CDH17: variants seen among roughly 807,000 people sequenced by gnomAD.
CDH17 encodes the protein cadherin-17.
In CDH17, 67 loss-of-function variants were observed where a neutral mutation model predicts 86.3. That is an observed-to-expected ratio of 0.78 (90% CI 0.64 to 0.95). CDH17 has a LOEUF of 0.95. CDH17 is among the 40% of genes least tolerant of loss of function. The pLI is 0.00. For synonymous variants in CDH17, 367 were observed against 366.4 expected, an observed-to-expected ratio of 1.00 and a Z score of -0.02; for missense variants, 993 against 1,017.6, an observed-to-expected ratio of 0.98 and a Z score of 0.33.
intron 2 of CDH17, among the ~76,000 whole-genome samples, chr8:94,192,577 T>A (rs1813708754): frequency 1.3e-5 from 2 of 152,152 alleles, no homozygotes; most frequent in South Asian, 4.2e-4. Flanking sequence ...GCCCCAACTC[T>A]TAACCACATT....
intron 15 of CDH17, among the ~76,000 whole-genome samples, chr8:94,137,861 A>C (rs1357692915): frequency 6.6e-6 from 1 of 152,194 alleles, no homozygotes; most frequent in African/African-American, 2.4e-5. Flanking sequence ...TTATAAACAC[A>C]ATCTGCAAAT....
At chr8:94,197,076 T>C (rs1289790815) in intron 1 of CDH17, among the ~76,000 whole-genome samples, 1 of 152,206 alleles carries the variant, frequency 6.6e-6, no homozygotes, top group Non-Finnish European at 1.5e-5. Context: ...GGCACCCCCC[T>C]CTATCTGCAG....
At chr8:94,136,174 G>A (rs534529153) in intron 15 of CDH17, among the ~76,000 whole-genome samples, 3 of 152,114 alleles carry the variant, frequency 2.0e-5, no homozygotes, top group Admixed American at 2.0e-4. Context: ...GGTGGTCTCT[G>A]TATTTCCTGA....
chr8:94,192,138 G>A (rs1251339004), intron 2 of CDH17, among the ~76,000 whole-genome samples: 2 of 152,206 alleles, frequency 1.3e-5, no homozygotes, highest in Non-Finnish European at 2.9e-5. Flanking sequence ...CTTGGTTCCA[G>A]GGTTCAAAGT....
At chr8:94,142,673 T>C (rs547587111) in intron 15 of CDH17, among the ~76,000 whole-genome samples, 333 of 151,506 alleles carry the variant, frequency 2.2e-3, no homozygotes, top group Middle Eastern at 6.8e-3. Context: ...TTATGGAATA[T>C]TCTAAATCCT....
chr8:94,210,319 G>A (rs1225361348), upstream of CDH17, among the ~76,000 whole-genome samples: 1 of 150,706 alleles, frequency 6.6e-6, no homozygotes, highest in African/African-American at 2.4e-5. Flanking sequence ...TCCGAAATGG[G>A]GTTCCTCTGT....
intron 3 of CDH17, among the ~76,000 whole-genome samples, chr8:94,181,345 A>G (rs892560729): frequency 1.3e-5 from 2 of 152,170 alleles, no homozygotes; most frequent in Admixed American, 1.3e-4. Context: ...CAAACACCCA[A>G]CACTCCATCC....
intron 10 of CDH17, among the ~76,000 whole-genome samples, chr8:94,162,453 A>T (rs1391478175): frequency 6.6e-6 from 1 of 152,208 alleles, no homozygotes; most frequent in Non-Finnish European, 1.5e-5. Context: ...GTTCCTGAGC[A>T]GGATGGCTTC....
chr8:94,156,291 T>C (rs994971790), intron 12 of CDH17, among the ~76,000 whole-genome samples: 2 of 152,200 alleles, frequency 1.3e-5, no homozygotes, highest in Non-Finnish European at 2.9e-5. Context: ...AGTGTGCACA[T>C]TAGTTTTCCA....
intron 10 of CDH17, among the ~76,000 whole-genome samples, chr8:94,164,620 A>G (rs1241684332): frequency 6.6e-6 from 1 of 152,186 alleles, no homozygotes; most frequent in African/African-American, 2.4e-5. Flanking sequence ...TCTGCCTAGT[A>G]TCTCAATATC....
Position 94,139,631 on chromosome 8 carries a change from G to T in CDH17, c.2167+6297C>A, listed in dbSNP as rs375221473. ...GAACCATAGTGGGCAGGGCACCCCC[G>T]GTGGCTCATGCCTATAATCCCAGCA... On this transcript the variant is annotated intron_variant, in intron 15 of 17. Coordinates refer to ENST00000027335, the MANE Select transcript of CDH17 (RefSeq NM_004063.4). Among the ~76,000 whole-genome samples the T allele has an allele frequency of 6.0e-4, 91 of 152,290 alleles. 2 individuals carry two copies. In the South Asian group the frequency reaches 0.018, roughly 31 times the overall value.
intron 2 of CDH17, among the ~76,000 whole-genome samples, chr8:94,191,254 C>T (rs1428787683): frequency 6.6e-6 from 1 of 152,150 alleles, no homozygotes. Flanking sequence ...GTGATGAACC[C>T]TGAGAGGACA....
intron 1 of CDH17, among the ~76,000 whole-genome samples, chr8:94,196,317 C>T (rs1327551336): frequency 1.3e-5 from 2 of 152,188 alleles, no homozygotes; most frequent in African/African-American, 2.4e-5. Context: ...GGTAAAAATG[C>T]TATTTCATTT....
Position 94,176,563 on chromosome 8 carries a change from T to G in CDH17, c.402A>C (p.Ser134=). Residue 134 remains serine (S), a synonymous_variant, in exon 5 of 18, where the codon TCA becomes TCC. Coordinates refer to ENST00000027335, the MANE Select transcript of CDH17 (RefSeq NM_004063.4). Reference sequence around the variant, plus strand: ...TACCTGGGCGAGAGTTCTGCCTTACTGAGCCTTCGTACTTTGACTGGAGAA... The same window carrying G: ...TACCTGGGCGAGAGTTCTGCCTTACGGAGCCTTCGTACTTTGACTGGAGAA... ...PTFLQSKYEG[S]VRQNSRPGKP... The G allele has an allele frequency of 1.9e-6, 3 of 1,613,796 alleles. No homozygotes were observed. Among genetic ancestry groups the G allele is most frequent in the Non-Finnish European group, 2.5e-6 (3 of 1,179,722 alleles).
intron 3 of CDH17, among the ~76,000 whole-genome samples, chr8:94,179,604 G>A (rs187646661): frequency 6.6e-6 from 1 of 152,358 alleles, no homozygotes; most frequent in Non-Finnish European, 1.5e-5. Flanking sequence ...GAAGGCGAAG[G>A]CAGAGTTGTA....
intron 9 of CDH17, among the ~76,000 whole-genome samples, chr8:94,168,052 C>T (rs1371307979): frequency 7.3e-5 from 7 of 96,056 alleles, no homozygotes; most frequent in Non-Finnish European, 1.2e-4. Flanking sequence ...CTTGGGGACA[C>T]GAGTTCCACA....
At chr8:94,132,581 G>A (rs931843804) in intron 15 of CDH17, among the ~76,000 whole-genome samples, 5 of 152,014 alleles carry the variant, frequency 3.3e-5, no homozygotes, top group African/African-American at 1.2e-4. Context: ...TTGTCAGATG[G>A]GTAGATTGCA....
rs1009280818 is a variant in CDH17 at position 94,206,577 on chromosome 8, T to C, written c.-21+1906A>G. Among the ~76,000 whole-genome samples the C allele has an allele frequency of 2.2e-4, 33 of 152,012 alleles. 1 individual carries two copies. Among genetic ancestry groups the C allele is most frequent in the Non-Finnish European group, 2.9e-5 (2 of 67,984 alleles). On this transcript the variant is annotated intron_variant, in intron 1 of 17. Transcript: ENST00000027335. Reference sequence around the variant, plus strand: ...ATGAGGGACACATCCTTCTAGACATTTTTTTTGACAATGGAACGAGAAGTA... The same window carrying C: ...ATGAGGGACACATCCTTCTAGACATCTTTTTTGACAATGGAACGAGAAGTA...
intron 14 of CDH17, 74 bp downstream of exon 14, chr8:94,148,670 C>T: frequency 7.8e-7 from 1 of 1,287,422 alleles, no homozygotes; most frequent in Non-Finnish European, 1.0e-6. Context: ...TCTTATCCTC[C>T]CTCCCATTTC....
Sources: gnomAD v4.1 joint callset for allele counts (sites outside exome capture counted in the v4.1 genomes callset) on GRCh38, gnomAD v4.1.1 for gene constraint, MANE v1.5 for transcripts, NCBI Gene and HGNC (gene_info 2026-07-23, HGNC 2026-07-21) for gene names.